CAPZB: variants seen among roughly 807,000 people sequenced by gnomAD.
CAPZB encodes the protein F-actin-capping protein subunit beta.
Under a neutral mutation model 38.1 loss-of-function variants are expected in CAPZB, and 2 were observed. The ratio of observed to expected loss-of-function variants is 0.05; its 90% CI spans 0.02 to 0.17. The LOEUF (loss-of-function observed/expected upper bound fraction) is 0.17. CAPZB is among the 10% of genes least tolerant of loss of function. The probability of loss-of-function intolerance (pLI) is 1.00; values close to 1 mark genes in which losing one functional copy is unlikely to be tolerated. For missense variants in CAPZB, 161 were observed against 334.2 expected (o/e 0.48, Z 4.04); for synonymous variants, 107 against 127.4 (o/e 0.84, Z 1.08).
chr1:19,440,742 C>T (rs1014037953), intron 1 of CAPZB, among the ~76,000 whole-genome samples: 3 of 152,182 alleles, frequency 2.0e-5, no homozygotes, highest in Non-Finnish European at 4.4e-5. Context: ...CAGACTATTA[C>T]AGTAAAAGCC....
At chr1:19,394,232 C>A (rs1177114212) in intron 2 of CAPZB, among the ~76,000 whole-genome samples, 1 of 152,168 alleles carries the variant, frequency 6.6e-6, no homozygotes, top group African/African-American at 2.4e-5. Flanking sequence ...GTGATCCGTC[C>A]TCCTTGCCCT....
chr1:19,361,339 T>G (rs1408104950), intron 4 of CAPZB, among the ~76,000 whole-genome samples: 1 of 152,182 alleles, frequency 6.6e-6, no homozygotes, highest in Non-Finnish European at 1.5e-5. Flanking sequence ...ACTACAATAA[T>G]TCAAGAATGG....
chr1:19,450,126 A>G (rs915166109), intron 1 of CAPZB, among the ~76,000 whole-genome samples: 3 of 143,614 alleles, frequency 2.1e-5, no homozygotes, highest in African/African-American at 7.8e-5. Flanking sequence ...CCTGGGCAAC[A>G]GAGCAAGACC....
chr1:19,459,759 G>C (rs2094544622), intron 1 of CAPZB, among the ~76,000 whole-genome samples: 1 of 152,124 alleles, frequency 6.6e-6, no homozygotes. Context: ...AAAAACTCTA[G>C]AAATGAACAA....
At chr1:19,401,554 A>C (rs1390535426) in intron 2 of CAPZB, among the ~76,000 whole-genome samples, 1 of 152,186 alleles carries the variant, frequency 6.6e-6, no homozygotes, top group African/African-American at 2.4e-5. Flanking sequence ...GCCTTTTAAA[A>C]AGGTGAAAAA....
chr1:19,450,144 C>CAAAAAAAA (rs71008167), intron 1 of CAPZB, among the ~76,000 whole-genome samples: 4 of 35,456 alleles, frequency 1.1e-4, no homozygotes, highest in Middle Eastern at 0.013. Context: ...ACCCTGTCTC[C>CAAAAAAAA]AAAAAAAAAA....
intron 1 of CAPZB, among the ~76,000 whole-genome samples, chr1:19,478,718 T>C (rs1031316558): frequency 2.6e-5 from 4 of 151,966 alleles, no homozygotes; most frequent in Admixed American, 6.6e-5. Context: ...AAGACTCAGA[T>C]GGCATATTCT....
chr1:19,450,833 C>T (rs564484853), intron 1 of CAPZB, among the ~76,000 whole-genome samples: 1 of 152,304 alleles, frequency 6.6e-6, no homozygotes, highest in Admixed American at 6.5e-5. Context: ...AATGCAGACA[C>T]ATATACCACA....
At chr1:19,393,249 G>A (rs943808085) in intron 2 of CAPZB, among the ~76,000 whole-genome samples, 30 of 152,184 alleles carry the variant, frequency 2.0e-4, no homozygotes, top group African/African-American at 6.5e-4. Context: ...GCTTCGCGCC[G>A]GGCCTGAAAG....
At chr1:19,384,183 C>T (rs1196364805) in intron 3 of CAPZB, among the ~76,000 whole-genome samples, 1 of 152,212 alleles carries the variant, frequency 6.6e-6, no homozygotes, top group Non-Finnish European at 1.5e-5. Context: ...TTACCCTCAG[C>T]CTGGCCTTCA....
chr1:19,481,946 C>A (rs542842705), intron 1 of CAPZB, among the ~76,000 whole-genome samples: 2 of 152,334 alleles, frequency 1.3e-5, no homozygotes, highest in South Asian at 4.1e-4. Context: ...CACATAAGCA[C>A]CACAGAGTAG....
chr1:19,343,880 C>G (rs2093946358), intron 8 of CAPZB, among the ~76,000 whole-genome samples: 1 of 152,180 alleles, frequency 6.6e-6, no homozygotes, highest in African/African-American at 2.4e-5. Context: ...GGCTGAGGGC[C>G]CTGCCTGCAT....
At chr1:19,391,739 A>AT (rs779571115) in intron 2 of CAPZB, among the ~76,000 whole-genome samples, 18 of 152,322 alleles carry the variant, frequency 1.2e-4, no homozygotes, top group Non-Finnish European at 2.4e-4. Flanking sequence ...TGGGGGTTAC[A>AT]ACATCCATGT....
chr1:19,482,582 A>C (rs2094633581), intron 1 of CAPZB, among the ~76,000 whole-genome samples: 1 of 152,262 alleles, frequency 6.6e-6, no homozygotes, highest in South Asian at 2.1e-4. Context: ...GACAGTGGTA[A>C]GATTATTACC....
intron 2 of CAPZB, among the ~76,000 whole-genome samples, chr1:19,405,404 C>T (rs747835067): frequency 2.6e-5 from 4 of 152,080 alleles, no homozygotes; most frequent in Admixed American, 6.6e-5. Context: ...GCTGCCCCTA[C>T]AGGCAGCGTT....
intron 1 of CAPZB, among the ~76,000 whole-genome samples, chr1:19,434,796 G>A (rs1190063950): frequency 2.0e-5 from 3 of 152,050 alleles, no homozygotes; most frequent in Admixed American, 6.5e-5. Context: ...GGGCATGCCT[G>A]TAGTCCCAGC....
At chr1:19,383,148 CA>C (rs1030607495) in intron 3 of CAPZB, among the ~76,000 whole-genome samples, 2 of 149,088 alleles carry the variant, frequency 1.3e-5, no homozygotes, top group African/African-American at 4.9e-5. Context: ...GAGAAAAAGT[CA>C]AAAAAATTAG....
chr1:19,420,033 C>G (rs3790760), intron 1 of CAPZB: 70,980 of 385,060 alleles, frequency 0.18, 7,318 homozygotes, highest in South Asian at 0.22. Flanking sequence ...ACCGGCTCCC[C>G]TGCTCCTGCT....
At chr1:19,355,792 C>A (rs138573364) in intron 6 of CAPZB, among the ~76,000 whole-genome samples, 262 of 152,346 alleles carry the variant, frequency 1.7e-3, no homozygotes, top group African/African-American at 6.0e-3. Context: ...TCCCCCTTTA[C>A]GCCAAGCATC....
Sources: gnomAD v4.1 joint callset for allele counts (sites outside exome capture counted in the v4.1 genomes callset) on GRCh38, gnomAD v4.1.1 for gene constraint, MANE v1.5 for transcripts, NCBI Gene and HGNC (gene_info 2026-07-23, HGNC 2026-07-21) for gene names.